The following CHN2 variants were observed in gnomAD, a reference collection of about 807,000 sequenced individuals.
CHN2 encodes the protein chimerin 2, also known as beta-chimaerin.
In CHN2, 35 loss-of-function variants were observed where a neutral mutation model predicts 56.3. The ratio of observed to expected loss-of-function variants is 0.62; its 90% CI spans 0.47 to 0.82. The LOEUF is 0.82. CHN2 is among the 40% of genes least tolerant of loss of function. The pLI, the probability that CHN2 is intolerant of heterozygous loss-of-function variation, is 0.00. For synonymous variants in CHN2, 210 were observed against 212.8 expected (o/e 0.99, Z 0.12); for missense variants, 491 against 580.5 (o/e 0.85, Z 1.58).
At chr7:29,398,070 G>A (rs960938022) in intron 4 of CHN2, 11 of 212,062 alleles carry the variant, frequency 5.2e-5, no homozygotes, top group East Asian at 5.1e-4. Context: ...GGGGGGGGGG[G>A]GCGGTGGTTG....
chr7:29,394,494 G>A (rs1379846807), intron 4 of CHN2, among the ~76,000 whole-genome samples: 2 of 152,066 alleles, frequency 1.3e-5, no homozygotes, highest in Non-Finnish European at 2.9e-5. Flanking sequence ...TCCCTTACCC[G>A]TCAGAGCCTC....
chr7:29,267,953 A>G (rs1248874766), intron 1 of CHN2, among the ~76,000 whole-genome samples: 1 of 152,202 alleles, frequency 6.6e-6, no homozygotes, highest in African/African-American at 2.4e-5. Flanking sequence ...CAGAGTAAAC[A>G]GGAAGCAGCC....
At chr7:29,230,129 T>C (rs1158251657) in intron 1 of CHN2, among the ~76,000 whole-genome samples, 2 of 152,204 alleles carry the variant, frequency 1.3e-5, no homozygotes, top group Non-Finnish European at 2.9e-5. Context: ...AAGTATTCAC[T>C]GTCTGGCCCT....
At chr7:29,181,054 A>T (rs1798006197) in intron 2 of CHN2, among the ~76,000 whole-genome samples, 1 of 152,254 alleles carries the variant, frequency 6.6e-6, no homozygotes, top group African/African-American at 2.4e-5. Context: ...TCTCCCTAGT[A>T]ATCAGTTAGA....
At chr7:29,409,370 G>A (rs367595233) in intron 6 of CHN2, among the ~76,000 whole-genome samples, 12 of 152,118 alleles carry the variant, frequency 7.9e-5, no homozygotes, top group Admixed American at 3.3e-4. Context: ...CAACATAATA[G>A]TAATAAACCT....
intron 1 of CHN2, among the ~76,000 whole-genome samples, chr7:29,238,124 T>C (rs1446956279): frequency 6.6e-6 from 1 of 150,606 alleles, no homozygotes; most frequent in African/African-American, 2.4e-5. Flanking sequence ...TTCAAGCGAT[T>C]TGCCTGCCTC....
At chr7:29,470,161 C>T (rs1046795607) in intron 6 of CHN2, among the ~76,000 whole-genome samples, 1 of 152,228 alleles carries the variant, frequency 6.6e-6, no homozygotes, top group African/African-American at 2.4e-5. Flanking sequence ...CACACACACT[C>T]TGACATTCCA....
intron 7 of CHN2, among the ~76,000 whole-genome samples, chr7:29,493,774 C>G (rs1290583055): frequency 6.6e-6 from 1 of 152,150 alleles, no homozygotes; most frequent in East Asian, 1.9e-4. Context: ...AGGTGTTAGG[C>G]TCTGTCATTG....
At chr7:29,503,481 C>G (rs1790201677) in intron 9 of CHN2, among the ~76,000 whole-genome samples, 1 of 152,174 alleles carries the variant, frequency 6.6e-6, no homozygotes, top group Admixed American at 6.5e-5. Flanking sequence ...AACAGGATGA[C>G]CCACAGGTTT....
chr7:29,183,328 C>T (rs1798301857), intron 2 of CHN2, among the ~76,000 whole-genome samples: 1 of 151,886 alleles, frequency 6.6e-6, no homozygotes, highest in African/African-American at 2.4e-5. Flanking sequence ...AGGTGATCTG[C>T]CTGCCTTGGC....
chr7:29,418,930 T>C (rs991884243), intron 6 of CHN2, among the ~76,000 whole-genome samples: 2 of 152,218 alleles, frequency 1.3e-5, no homozygotes, highest in Non-Finnish European at 2.9e-5. Flanking sequence ...CTCAGCAACA[T>C]GAATATTCAT....
chr7:29,206,069 C>T (rs1189765406), intron 1 of CHN2, among the ~76,000 whole-genome samples: 4 of 152,144 alleles, frequency 2.6e-5, no homozygotes, highest in Non-Finnish European at 5.9e-5. Context: ...TCATGTATCA[C>T]TAAAATACCG....
At chr7:29,299,829 C>G (rs1024154753) in intron 1 of CHN2, among the ~76,000 whole-genome samples, 3 of 152,114 alleles carry the variant, frequency 2.0e-5, no homozygotes, top group African/African-American at 7.2e-5. Flanking sequence ...AACAAGTAGA[C>G]AACTGTCCAT....
At position 29,273,378 on chromosome 7, in the gene CHN2, TATATATATATAC is replaced by T. The variant is rs1455142454; in HGVS notation, c.49+78390_49+78401del. Among the ~76,000 whole-genome samples the T allele has an allele frequency of 1.4e-3, 84 of 59,766 alleles. 3 individuals carry two copies. Among genetic ancestry groups the T allele is most frequent in the Middle Eastern group, 6.3e-3 (1 of 158 alleles). The allele number at this position is 59,766 out of a possible 152,430, so 39.2% of individuals were successfully genotyped here. On this transcript the variant is annotated intron_variant, in intron 1 of 12. Coordinates refer to ENST00000222792, the MANE Select transcript of CHN2 (RefSeq NM_004067.4). The stretch of plus-strand genomic sequence containing the variant: ...ATATATATATATATATATATATATA[TATATATATATAC>T]ACACACCACATTTTCTTTATTGGTT...
intron 1 of CHN2, among the ~76,000 whole-genome samples, chr7:29,290,970 T>C (rs1389167961): frequency 6.6e-6 from 1 of 152,186 alleles, no homozygotes; most frequent in Non-Finnish European, 1.5e-5. Flanking sequence ...TTGGGGTTTA[T>C]ATGTTGGCAT....
intron 1 of CHN2, among the ~76,000 whole-genome samples, chr7:29,274,204 G>T (rs1254479010): frequency 6.6e-6 from 1 of 152,138 alleles, no homozygotes; most frequent in East Asian, 1.9e-4. Flanking sequence ...GGACAGGCTG[G>T]CCAAGTTCTT....
chr7:29,447,147 G>A (rs1230238169), intron 6 of CHN2, among the ~76,000 whole-genome samples: 1 of 152,086 alleles, frequency 6.6e-6, no homozygotes, highest in Non-Finnish European at 1.5e-5. Context: ...ATCTATGAGG[G>A]GACTAGTCAA....
At chr7:29,179,841 A>C (rs1193490031) in intron 2 of CHN2, among the ~76,000 whole-genome samples, 1 of 152,230 alleles carries the variant, frequency 6.6e-6, no homozygotes, top group Non-Finnish European at 1.5e-5. Context: ...GAGTTAGTGC[A>C]TGTGAGGATT....
Position 29,301,753 on chromosome 7 carries a change from C to T in CHN2, c.50-52872C>T, listed in dbSNP as rs112018388. On this transcript the variant is annotated intron_variant, in intron 1 of 12. Coordinates refer to ENST00000222792, the MANE Select transcript of CHN2 (RefSeq NM_004067.4). ...AATGAGAGCACTCTTTGAGTTTTAA[C>T]ACATTGTACAGAAGGAAGTGCTTGT... Among the ~76,000 whole-genome samples, 138 of 152,310 alleles carry T rather than the reference C, an allele frequency of 9.1e-4. 2 individuals carry two copies. The Middle Eastern group carries it at 0.01, about 11-fold the overall frequency.
Sources: allele counts gnomAD v4.1 joint callset (sites outside exome capture counted in the v4.1 genomes callset), GRCh38; gene constraint gnomAD v4.1.1; transcripts MANE v1.5; gene names NCBI Gene and HGNC (gene_info 2026-07-23, HGNC 2026-07-21).